The following PHF20L1 variants were observed in gnomAD, a reference collection of about 807,000 sequenced individuals.
PHF20L1 encodes the protein PHD finger protein 20 like 1.
Under a neutral mutation model 125.5 loss-of-function variants are expected in PHF20L1, and 44 were observed. That is an observed-to-expected ratio of 0.35 (90% CI 0.28 to 0.45). PHF20L1 has a LOEUF of 0.45. Ranked by LOEUF, PHF20L1 falls within the 20% of genes least tolerant of loss-of-function variation. The pLI is 1.00. For synonymous variants in PHF20L1, 380 were observed against 403.1 expected (o/e 0.94, Z 0.69); for missense variants, 1,012 against 1,217.2 (o/e 0.83, Z 2.51).
chr8:132,818,036 G>C (rs1010627858), intron 12 of PHF20L1: 2 of 152,112 alleles, frequency 1.3e-5, no homozygotes, highest in Non-Finnish European at 2.9e-5. Context: ...TATTTGAGGA[G>C]TGCAATATGT....
At chr8:132,837,375 T>TC (rs1178356303) in intron 16 of PHF20L1, among the ~76,000 whole-genome samples, 2 of 152,104 alleles carry the variant, frequency 1.3e-5, no homozygotes, top group African/African-American at 4.8e-5. Context: ...AACTTTTTTT[T>TC]CCCCTAATTT....
Position 132,804,030 on chromosome 8 carries a change from T to G in PHF20L1, c.719T>G (p.Phe240Cys). The G allele has an allele frequency of 1.9e-6, 3 of 1,594,560 alleles. No individual in the cohort carries two copies. Among genetic ancestry groups the G allele is most frequent in the Non-Finnish European group, 2.6e-6 (3 of 1,162,948 alleles). Reference protein sequence around the residue: ...KEDLPTSSETFGLHVENVPKM... With the variant: ...KEDLPTSSETCGLHVENVPKM... ...GATCTGCCTACATCTAGTGAAACAT[T>G]TGGTACAAAATACATTCTTACGTTA... Residue 240 changes from phenylalanine (F) to cysteine (C), a missense_variant and splice_region_variant, in exon 7 of 21, where the codon TTT becomes TGT. Around this residue, in one of 7 missense-constraint regions of PHF20L1, gnomAD observed 134 missense variants for 145.9 expected, o/e 0.92. Transcript: ENST00000395386.
Position 132,804,629 on chromosome 8 carries a change from A to G in PHF20L1, c.736A>G (p.Asn246Asp). ...GTTGAAAGTAGGACTTCATGTAGAG[A>G]ACGTTCCAAAGATGGTCTTTCCACA... is the stretch of plus-strand genomic sequence containing the variant. Reference protein sequence around the residue: ...SSETFGLHVENVPKMVFPQPE... With the variant: ...SSETFGLHVEDVPKMVFPQPE... Residue 246 changes from asparagine to aspartate, a missense_variant, in exon 8 of 21, where the codon AAC becomes GAC. Asn to Asp is a conservative substitution (Grantham distance 23, BLOSUM62 1). Coordinates refer to ENST00000395386, the MANE Select transcript of PHF20L1 (RefSeq NM_016018.5). 6.2e-7 allele frequency: 1 copy of G among 1,607,096 alleles called. No homozygotes were observed. The highest frequency in any genetic ancestry group is 1.3e-5 in the African/African-American group (1 of 74,736).
chr8:132,818,080 A>G (rs1022466807), intron 12 of PHF20L1: 1 of 151,990 alleles, frequency 6.6e-6, no homozygotes, highest in African/African-American at 2.4e-5. Flanking sequence ...CATTTTTTGC[A>G]TGATTTTGTG....
chr8:132,825,119 G>T (rs765359500), intron 13 of PHF20L1, 145 bp from the exon 14 acceptor site: 1 of 1,541,010 alleles, frequency 6.5e-7, no homozygotes, highest in Admixed American at 1.7e-5. Context: ...CCAGAGTCAT[G>T]ACATGAACAG....
chr8:132,843,801 T>G (rs1000220367), intron 19 of PHF20L1: 2 of 985,182 alleles, frequency 2.0e-6, no homozygotes, highest in African/African-American at 3.5e-5. Flanking sequence ...TCCACTCTTA[T>G]GTCCACTTAT....
chr8:132,818,220 C>T (rs1353193688), intron 12 of PHF20L1: 2 of 151,776 alleles, frequency 1.3e-5, no homozygotes, highest in Admixed American at 6.6e-5. Flanking sequence ...AGAATTATAA[C>T]CTGATCTAGA....
chr8:132,842,498 TCCA>T lies in PHF20L1; in HGVS notation c.2388-16_2388-14del. ...TTTTTTTTTTCTGAACTGCTGTTTT[TCCA>T]ACTTTGTTTTAAGGAATAAACATCA... is the stretch of plus-strand genomic sequence containing the variant. On this transcript the variant is annotated splice_polypyrimidine_tract_variant and intron_variant, in intron 18 of 20. Transcript: ENST00000395386. The T allele has an allele frequency of 6.4e-7, 1 of 1,558,596 alleles. No individual in the cohort carries two copies. The highest frequency in any genetic ancestry group is 8.6e-7 in the Non-Finnish European group (1 of 1,160,324).
chr8:132,814,688 A>C lies in PHF20L1; in HGVS notation c.982A>C (p.Ser328Arg). Residue 328 changes from serine to arginine, a missense_variant, in exon 10 of 21, where the codon AGT becomes CGT. By Grantham distance (110) the Ser-to-Arg change is moderately radical. This residue lies in a region of PHF20L1 where 119 missense variants were observed against 160.2 expected (regional missense o/e 0.74). Coordinates refer to ENST00000395386, the MANE Select transcript of PHF20L1 (RefSeq NM_016018.5). The part of the protein sequence containing the change: ...SQKKNEADIS[S>R]SANTQKPALL... ...GAAAAAAAATGAAGCTGACATTAGC[A>C]GTTCTGCCAACACTCAGAAACCTGC... is the stretch of plus-strand genomic sequence containing the variant. The C allele has an allele frequency of 6.2e-7, 1 of 1,610,668 alleles. No homozygotes were observed. Among genetic ancestry groups the C allele is most frequent in the Non-Finnish European group, 8.5e-7 (1 of 1,177,774 alleles).
Position 132,794,789 on chromosome 8 carries a change from T to G in PHF20L1, c.312T>G (p.Pro104=). 1 of 1,611,644 alleles carries G rather than the reference T, an allele frequency of 6.2e-7. No homozygotes were observed. Among genetic ancestry groups the G allele is most frequent in the South Asian group, 1.1e-5 (1 of 90,766 alleles). ...GTTGGACAGACTGTCGCTATTACCC[T>G]GCCAAGATTGAAGCAATTAACAAAG... The part of the protein sequence containing the change: ...LARWTDCRYY[P]AKIEAINKEG... Residue 104 remains proline (P), a synonymous_variant, in exon 4 of 21, where the codon CCT becomes CCG. Coordinates refer to ENST00000395386, the MANE Select transcript of PHF20L1 (RefSeq NM_016018.5).
rs1838006573 is a variant in PHF20L1, at chr8:132,842,250, A to G, written c.2388-265A>G. 1.4e-5 allele frequency: 4 copies of G among 290,754 alleles called. No individual in the cohort carries two copies. The South Asian group carries it at 5.6e-4, about 41-fold the overall frequency. 18.0% of individuals were successfully genotyped at this position (290,754 alleles called of 1,614,324 possible). A position where few individuals can be genotyped will look rare whatever the true frequency, so the allele number is the denominator to read the frequency against. ...ATGAAAATGACAATGACAAATCAGT[A>G]GAAAAAGAAATGCATGTATCAAATG... On this transcript the variant is annotated intron_variant, in intron 18 of 20. Coordinates refer to ENST00000395386, the MANE Select transcript of PHF20L1 (RefSeq NM_016018.5).
In PHF20L1 at chr8:132,845,924, C is replaced by G. The variant is rs1292612727; in HGVS notation, c.*1C>G. On this transcript the variant is annotated 3_prime_UTR_variant, in exon 21 of 21. Transcript: ENST00000395386. Reference sequence around the variant, plus strand: ...GATAGCAACTCTTTGCTCTGTATGACAACAGTGAACACTTAATGAAAGAAT... The same window carrying G: ...GATAGCAACTCTTTGCTCTGTATGAGAACAGTGAACACTTAATGAAAGAAT... The G allele has an allele frequency of 1.7e-5, 28 of 1,608,428 alleles. No individual in the cohort carries two copies. Among genetic ancestry groups the G allele is most frequent in the Non-Finnish European group, 2.0e-5 (23 of 1,175,960 alleles).
Position 132,775,422 on chromosome 8 carries a change from G to A in PHF20L1, c.-261G>A, listed in dbSNP as rs890417149. 1.0e-5 allele frequency: 4 copies of A among 385,396 alleles called. No homozygotes were observed. Among genetic ancestry groups the A allele is most frequent in the Non-Finnish European group, 1.8e-5 (4 of 219,962 alleles). 23.9% of individuals were successfully genotyped at this position (385,396 alleles called of 1,614,324 possible). ...CGGCGGCGGAGGCGGCGGCGGCGGC[G>A]GCGATGGCAGCGGACCCTGAGCGAG... is the stretch of plus-strand genomic sequence containing the variant. On this transcript the variant is annotated 5_prime_UTR_variant, in exon 1 of 21. Coordinates refer to ENST00000395386, the MANE Select transcript of PHF20L1 (RefSeq NM_016018.5).
At position 132,811,074 on chromosome 8, in the gene PHF20L1, T is replaced by G. The variant is rs969010179; in HGVS notation, c.876T>G (p.Val292=). ...TGTTGGCATCCAAAGCTGTTGGGGT[T>G]GATGGTGCTGAAAAAAAGGAAGACT... ...TGLLASKAVG[V]DGAEKKEDYN... The change falls in exon 9 of 21, where the codon GTT becomes GTG. Residue 292 remains valine, a synonymous_variant. Coordinates refer to ENST00000395386, the MANE Select transcript of PHF20L1 (RefSeq NM_016018.5). 4 of 1,611,542 alleles carry G rather than the reference T, an allele frequency of 2.5e-6. No homozygotes were observed. Among genetic ancestry groups the G allele is most frequent in the Admixed American group, 1.7e-5 (1 of 59,972 alleles).
chr8:132,809,422 C>T (rs921578855), intron 8 of PHF20L1: 1 of 152,254 alleles, frequency 6.6e-6, no homozygotes, highest in Non-Finnish European at 1.5e-5. Flanking sequence ...CCATCTCAGC[C>T]TCCCAAAGTG....
chr8:132,844,352 T>G (rs751808778), intron 20 of PHF20L1, 34 bp downstream of exon 20: 1 of 1,508,804 alleles, frequency 6.6e-7, no homozygotes, highest in South Asian at 1.2e-5. Context: ...ACAGTTACTA[T>G]AGTGAATTTA....
chr8:132,793,213 A>G lies in PHF20L1; in HGVS notation c.84-1197A>G, dbSNP rs138932918. On this transcript the variant is annotated intron_variant, in intron 2 of 20. Transcript: ENST00000395386. ...GGTTTAGGGCTCGGACGGAAAGAATAGAATGGAGAATAGCATGAATGCTTG... is the reference window on the plus strand; with the variant it reads ...GGTTTAGGGCTCGGACGGAAAGAATGGAATGGAGAATAGCATGAATGCTTG... Among the ~76,000 whole-genome samples the G allele has an allele frequency of 1.4e-3, 207 of 152,242 alleles. 1 individual carries two copies. Among genetic ancestry groups the G allele is most frequent in the Middle Eastern group, 3.4e-3 (1 of 294 alleles).
At chr8:132,831,229 A>C (rs1836743062) in intron 14 of PHF20L1, among the ~76,000 whole-genome samples, 1 of 152,026 alleles carries the variant, frequency 6.6e-6, no homozygotes, top group Non-Finnish European at 1.5e-5. Flanking sequence ...TTTTAAAAAA[A>C]GCTAATCTGG....
At position 132,804,663 on chromosome 8, in the gene PHF20L1, G is replaced by T; in HGVS notation, c.770G>T (p.Ser257Ile). The change falls in exon 8 of 21, where the codon AGC becomes ATC. Residue 257 changes from serine (S) to isoleucine (I), a missense_variant. By Grantham distance (142) the Ser-to-Ile change is moderately radical (BLOSUM62 -2). Transcript: ENST00000395386. The stretch of plus-strand genomic sequence containing the variant: ...AAGATGGTCTTTCCACAGCCAGAGA[G>T]CACATTATCAAACAAGAGGAAAAAT... ...VPKMVFPQPE[S>I]TLSNKRKNNQ... 1 of 1,608,694 alleles carries T rather than the reference G, an allele frequency of 6.2e-7. No homozygotes were observed. The highest frequency in any genetic ancestry group is 8.5e-7 in the Non-Finnish European group (1 of 1,175,886).
Sources: gnomAD v4.1 joint callset for allele counts (sites outside exome capture counted in the v4.1 genomes callset) on GRCh38, gnomAD v4.1.1 for gene constraint, gnomAD v4.1.1 regional missense constraint, MANE v1.5 for transcripts, NCBI Gene and HGNC (gene_info 2026-07-23, HGNC 2026-07-21) for gene names.